NDUFA9: variants seen among roughly 807,000 people sequenced by gnomAD.
NDUFA9 encodes the protein NADH dehydrogenase [ubiquinone] 1 alpha subcomplex subunit 9, mitochondrial.
In NDUFA9, 23 loss-of-function variants were observed where a neutral mutation model predicts 45.9. That is an observed-to-expected ratio of 0.50 (90% CI 0.36 to 0.71). The LOEUF (loss-of-function observed/expected upper bound fraction) is 0.71. NDUFA9 is among the 30% of genes least tolerant of loss of function. NDUFA9 has a pLI of 0.00. For missense variants in NDUFA9, 466 were observed against 488.2 expected (o/e 0.95, Z 0.43); for synonymous variants, 176 against 170.5 (o/e 1.03, Z -0.25).
chr12:4,649,319 G>A, intron 1 of NDUFA9, 144 bp downstream of exon 1: 1 of 942,548 alleles, frequency 1.1e-6, no homozygotes. Flanking sequence ...CCTCAGTCTG[G>A]TTTCTCCTTT....
intron 8 of NDUFA9, among the ~76,000 whole-genome samples, chr12:4,677,456 A>C (rs1945926628): frequency 6.6e-6 from 1 of 152,144 alleles, no homozygotes; most frequent in South Asian, 2.1e-4. Context: ...GATTTACAAG[A>C]AAAAAACTTC....
chr12:4,680,106 G>T (rs553688833), intron 8 of NDUFA9, among the ~76,000 whole-genome samples: 55 of 152,284 alleles, frequency 3.6e-4, no homozygotes, highest in African/African-American at 1.2e-3. Flanking sequence ...AGGCAGGATG[G>T]AGTGGGTCAG....
chr12:4,659,440 G>T (rs1012847837), intron 5 of NDUFA9, among the ~76,000 whole-genome samples: 1 of 152,104 alleles, frequency 6.6e-6, no homozygotes, highest in African/African-American at 2.4e-5. Flanking sequence ...AAGTTTCTTT[G>T]GGGCATCATT....
intron 8 of NDUFA9, among the ~76,000 whole-genome samples, chr12:4,672,154 C>G (rs1040103957): frequency 2.6e-5 from 4 of 152,188 alleles, no homozygotes; most frequent in Non-Finnish European, 5.9e-5. Context: ...GGAACTCCCT[C>G]TCCTAGCCAA....
Position 4,689,722 on chromosome 12 carries a change from T to C in NDUFA9, c.*2614T>C. 1 of 179,998 alleles carries C rather than the reference T, an allele frequency of 5.6e-6. No individual in the cohort carries two copies. The highest frequency in any genetic ancestry group is 1.1e-5 in the Non-Finnish European group (1 of 88,752). The allele number at this position is 179,998 out of a possible 1,614,324, so 11.2% of individuals were successfully genotyped here. ...TCTTTCTACACAGACACAGCAACAA[T>C]GTGATTTCTCTATCTTTTCCCCACA... On this transcript the variant is annotated 3_prime_UTR_variant, in exon 11 of 11. Coordinates refer to ENST00000266544, the MANE Select transcript of NDUFA9 (RefSeq NM_005002.5).
chr12:4,655,051 G>A, intron 3 of NDUFA9, 129 bp downstream of exon 3: 1 of 687,716 alleles, frequency 1.5e-6, no homozygotes, highest in South Asian at 2.3e-5. Context: ...CTGTTCCCAG[G>A]TCATTCTTTC....
intron 8 of NDUFA9, among the ~76,000 whole-genome samples, chr12:4,678,836 T>C (rs1346525437): frequency 6.6e-6 from 1 of 152,116 alleles, no homozygotes; most frequent in Non-Finnish European, 1.5e-5. Context: ...GGTGTAAAAT[T>C]GTATAGCCAC....
intron 3 of NDUFA9, 89 bp from the exon 4 acceptor site, chr12:4,657,659 T>G: frequency 3.3e-6 from 3 of 917,316 alleles, no homozygotes; most frequent in Non-Finnish European, 3.5e-6. Context: ...AGATGGCCCA[T>G]TTTGAAACTT....
At chr12:4,676,087 A>G (rs910996315) in intron 8 of NDUFA9, among the ~76,000 whole-genome samples, 6 of 152,250 alleles carry the variant, frequency 3.9e-5, no homozygotes, top group African/African-American at 1.2e-4. Context: ...ACAAAATTCA[A>G]CAGCCCTTCA....
chr12:4,655,034 G>C (rs1349285748), intron 3 of NDUFA9, 112 bp downstream of exon 3: 1 of 763,512 alleles, frequency 1.3e-6, no homozygotes, highest in South Asian at 2.0e-5. Flanking sequence ...TGGACCAAAG[G>C]CATCCTCTGT....
At chr12:4,649,980 T>C (rs1353210011) in intron 1 of NDUFA9, among the ~76,000 whole-genome samples, 3 of 152,222 alleles carry the variant, frequency 2.0e-5, no homozygotes, top group Non-Finnish European at 4.4e-5. Context: ...CCTCTACTCT[T>C]CCACAAACAT....
At chr12:4,681,801 TA>T (rs59845397) in intron 8 of NDUFA9, among the ~76,000 whole-genome samples, 19,693 of 151,438 alleles carry the variant, frequency 0.13, 1,526 homozygotes, top group Middle Eastern at 0.2. Context: ...TAAAACATTA[TA>T]AAAGAAAAAA....
intron 8 of NDUFA9, among the ~76,000 whole-genome samples, chr12:4,670,124 C>G (rs1329422466): frequency 2.6e-5 from 4 of 152,126 alleles, no homozygotes; most frequent in Admixed American, 1.3e-4. Flanking sequence ...TTCTAAAACA[C>G]AAACAAAACA....
intron 9 of NDUFA9, 137 bp from the exon 10 acceptor site, chr12:4,685,122 G>T: frequency 1.3e-6 from 1 of 767,958 alleles, no homozygotes; most frequent in Non-Finnish European, 2.3e-6. Flanking sequence ...ACAGGTCGAG[G>T]TGGTTATTTT....
At chr12:4,674,058 T>G (rs972024924) in intron 8 of NDUFA9, among the ~76,000 whole-genome samples, 1 of 152,134 alleles carries the variant, frequency 6.6e-6, no homozygotes, top group Non-Finnish European at 1.5e-5. Context: ...ATTTCACATC[T>G]GGCCAAACTA....
intron 7 of NDUFA9, chr12:4,668,816 G>A (rs1945868571): frequency 2.7e-6 from 1 of 365,962 alleles, no homozygotes; most frequent in African/African-American, 2.1e-5. Flanking sequence ...TTCTCAAATT[G>A]CTTTCAGTCT....
intron 6 of NDUFA9, among the ~76,000 whole-genome samples, chr12:4,666,818 A>G (rs975047761): frequency 6.6e-6 from 1 of 152,112 alleles, no homozygotes; most frequent in African/African-American, 2.4e-5. Flanking sequence ...ACTTCCAAAA[A>G]TTTGTTCTTT....
chr12:4,670,185 T>G (rs2074984), intron 8 of NDUFA9, among the ~76,000 whole-genome samples: 54,402 of 151,976 alleles, frequency 0.36, 9,844 homozygotes, highest in South Asian at 0.52. Context: ...TGATGGAGTA[T>G]CACAATGCCT....
At chr12:4,657,934 G>A in intron 4 of NDUFA9, 95 bp downstream of exon 4, 1 of 961,054 alleles carries the variant, frequency 1.0e-6, no homozygotes, top group Middle Eastern at 2.1e-4. Flanking sequence ...CTATCACAGT[G>A]ACATTTTCAA....
Sources: allele counts gnomAD v4.1 joint callset (sites outside exome capture counted in the v4.1 genomes callset), GRCh38; gene constraint gnomAD v4.1.1; transcripts MANE v1.5; gene names NCBI Gene and HGNC (gene_info 2026-07-23, HGNC 2026-07-21).